CYTH3: variants seen among roughly 807,000 people sequenced by gnomAD.
CYTH3 encodes cytohesin 3, also known as cytohesin-3.
A neutral mutation model predicts 55.1 loss-of-function variants in CYTH3; 23 were observed. The ratio of observed to expected loss-of-function variants is 0.42; its 90% CI spans 0.30 to 0.59. The LOEUF (loss-of-function observed/expected upper bound fraction) is 0.59. CYTH3 is among the 20% of genes least tolerant of loss of function. The pLI is 0.20. For synonymous variants in CYTH3, 249 were observed against 194.9 expected (o/e 1.28, Z -2.31); for missense variants, 413 against 524.8 (o/e 0.79, Z 2.08).
intron 1 of CYTH3, among the ~76,000 whole-genome samples, chr7:6,225,680 A>T (rs1562397711): frequency 7.3e-6 from 1 of 137,718 alleles, no homozygotes; most frequent in Non-Finnish European, 1.6e-5. Flanking sequence ...TTTTTGAAGA[A>T]TTTTTTTTTT....
At chr7:6,187,250 C>T (rs375429566) in intron 3 of CYTH3, 134 bp from the exon 4 acceptor site, 1 of 835,026 alleles carries the variant, frequency 1.2e-6, no homozygotes, top group East Asian at 2.5e-5. Context: ...GAGGGGCCCC[C>T]AGTCTCCGCA....
intron 1 of CYTH3, among the ~76,000 whole-genome samples, chr7:6,238,344 G>T (rs367924557): frequency 6.6e-6 from 1 of 152,224 alleles, no homozygotes; most frequent in Admixed American, 6.5e-5. Context: ...TAAAGGAAAT[G>T]ATTTACTCCT....
chr7:6,272,342 G>A (rs1780685916), intron 1 of CYTH3, 132 bp downstream of exon 1: 2 of 856,512 alleles, frequency 2.3e-6, no homozygotes, highest in African/African-American at 1.9e-5. Flanking sequence ...CAGGCCTCCA[G>A]CGGACGCCGC....
At chr7:6,186,243 CAAAAAA>C (rs35117209) in intron 4 of CYTH3, among the ~76,000 whole-genome samples, 1 of 77,242 alleles carries the variant, frequency 1.3e-5, no homozygotes, top group Non-Finnish European at 2.5e-5. Flanking sequence ...GACTCTATCT[CAAAAAA>C]AAAAAAAAAA....
chr7:6,201,296 A>G (rs1784054220), intron 1 of CYTH3, among the ~76,000 whole-genome samples: 1 of 152,232 alleles, frequency 6.6e-6, no homozygotes, highest in Admixed American at 6.5e-5. Context: ...TGCCGCAGCT[A>G]GCCAGGATGC....
At chr7:6,180,799 CTCTA>C (rs1783486691) in intron 4 of CYTH3, among the ~76,000 whole-genome samples, 1 of 152,320 alleles carries the variant, frequency 6.6e-6, no homozygotes, top group Non-Finnish European at 1.5e-5. Flanking sequence ...ACTACACCTA[CTCTA>C]TCTTTTTCTG....
At chr7:6,245,649 A>G (rs1000313779) in intron 1 of CYTH3, among the ~76,000 whole-genome samples, 4 of 152,226 alleles carry the variant, frequency 2.6e-5, no homozygotes, top group African/African-American at 9.6e-5. Flanking sequence ...TCACGCCTGT[A>G]ATTCCAGCAC....
At chr7:6,253,400 G>A (rs1016961653) in intron 1 of CYTH3, among the ~76,000 whole-genome samples, 2 of 151,534 alleles carry the variant, frequency 1.3e-5, no homozygotes. Flanking sequence ...GTAGAGATAG[G>A]GTTTCACCAT....
At chr7:6,196,246 C>T (rs571827456) in intron 1 of CYTH3, among the ~76,000 whole-genome samples, 27 of 152,014 alleles carry the variant, frequency 1.8e-4, no homozygotes, top group South Asian at 6.2e-4. Flanking sequence ...CCACACTTAG[C>T]GTTGAAGGAG....
rs76221028 is a variant in CYTH3, at chr7:6,241,544, T to A, written c.34+30930A>T. ...TTTTAAACACATTTTCCTTTTAGCA[T>A]AAGAATCCCACTTCTGAAAATTTCT... On this transcript the variant is annotated intron_variant, in intron 1 of 12. Transcript: ENST00000350796. Among the ~76,000 whole-genome samples the A allele has an allele frequency of 6.2e-3, 938 of 152,296 alleles. 11 individuals carry two copies. Among genetic ancestry groups the A allele is most frequent in the African/African-American group, 0.022 (895 of 41,566 alleles).
Position 6,170,820 on chromosome 7 carries a change from G to C in CYTH3, c.711+10C>G, listed in dbSNP as rs1583734590. The C allele has an allele frequency of 6.2e-7, 1 of 1,607,660 alleles. No homozygotes were observed. The highest frequency in any genetic ancestry group is 1.7e-5 in the Admixed American group (1 of 59,460). On this transcript the variant is annotated intron_variant, in intron 8 of 12. Coordinates refer to ENST00000350796, the MANE Select transcript of CYTH3 (RefSeq NM_004227.4). The surrounding 1 kb of genome is among the most constrained non-coding windows in gnomAD (Gnocchi z 7.8). ...TGCAGACGGCAGCGGCCGCGGGCCG[G>C]GGAGCTCACCCTCAGCAGCTCCTCA... is the stretch of plus-strand genomic sequence containing the variant.
chr7:6,174,712 T>C (rs1243157407), intron 5 of CYTH3, among the ~76,000 whole-genome samples: 1 of 151,968 alleles, frequency 6.6e-6, no homozygotes, highest in Non-Finnish European at 1.5e-5. Context: ...CACGCCTGGC[T>C]AATTTTTTGT....
intron 1 of CYTH3, among the ~76,000 whole-genome samples, chr7:6,255,364 C>G (rs367603545): frequency 6.6e-6 from 1 of 152,072 alleles, no homozygotes; most frequent in African/African-American, 2.4e-5. Context: ...GGGAATTACC[C>G]GAAATATCCT....
chr7:6,229,438 C>G (rs890229787), intron 1 of CYTH3, among the ~76,000 whole-genome samples: 2 of 152,132 alleles, frequency 1.3e-5, no homozygotes, highest in Non-Finnish European at 2.9e-5. Flanking sequence ...CACCGCCCAA[C>G]TGCACCCTTA....
chr7:6,225,220 A>G (rs867500708), intron 1 of CYTH3, among the ~76,000 whole-genome samples: 7 of 152,220 alleles, frequency 4.6e-5, no homozygotes, highest in Admixed American at 2.0e-4. Context: ...TATATATATC[A>G]TATTGTCCAA....
Position 6,204,011 on chromosome 7 carries a change from T to C in CYTH3, c.35-13480A>G, listed in dbSNP as rs1289487897. Among the ~76,000 whole-genome samples the C allele has an allele frequency of 4.0e-5, 6 of 150,610 alleles. No homozygotes were observed. The East Asian group carries it at 9.8e-4, about 25-fold the overall frequency. On this transcript the variant is annotated intron_variant, in intron 1 of 12. Coordinates refer to ENST00000350796, the MANE Select transcript of CYTH3 (RefSeq NM_004227.4). ...GGATTACAGGCGTTAGCCACCGCAC[T>C]CAGCTTCATATTTCACTTTTTATAT...
intron 1 of CYTH3, among the ~76,000 whole-genome samples, chr7:6,225,501 G>C (rs1411060891): frequency 6.6e-6 from 1 of 151,782 alleles, no homozygotes; most frequent in Non-Finnish European, 1.5e-5. Context: ...TTACAGGCAT[G>C]AACCACCATG....
intron 1 of CYTH3, among the ~76,000 whole-genome samples, chr7:6,255,098 T>C (rs1780064367): frequency 2.0e-5 from 3 of 152,224 alleles, no homozygotes; most frequent in Non-Finnish European, 4.4e-5. Context: ...CGTCGAGATT[T>C]TTGATAAATT....
chr7:6,260,966 G>T (rs1780338490), intron 1 of CYTH3, among the ~76,000 whole-genome samples: 1 of 152,206 alleles, frequency 6.6e-6, no homozygotes, highest in Non-Finnish European at 1.5e-5. Flanking sequence ...TTGAATTCCT[G>T]AGAGTCTGCT....
Sources: allele counts gnomAD v4.1 joint callset (sites outside exome capture counted in the v4.1 genomes callset), GRCh38; gene constraint gnomAD v4.1.1; non-coding constraint Gnocchi (gnomAD v3.1); transcripts MANE v1.5; gene names NCBI Gene and HGNC (gene_info 2026-07-23, HGNC 2026-07-21).